PTPRD: variants seen among roughly 807,000 people sequenced by gnomAD.
PTPRD encodes receptor-type tyrosine-protein phosphatase delta.
PTPRD carries 34 observed loss-of-function variants against 214.5 expected under a neutral mutation model. The observed-to-expected ratio is 0.16, with a 90% confidence interval of 0.12 to 0.21. The LOEUF is 0.21. Among genes scored for constraint, PTPRD ranks in the 10% least tolerant of loss-of-function variants. The pLI is 1.00. For missense variants in PTPRD, 2,545 were observed against 2,398.7 expected (o/e 1.06, Z -1.27); for synonymous variants, 1,128 against 845.7 (o/e 1.33, Z -5.79).
At chr9:10,152,749 T>A (rs1292624773) in intron 3 of PTPRD, among the ~76,000 whole-genome samples, 2 of 152,116 alleles carry the variant, frequency 1.3e-5, no homozygotes, top group Admixed American at 6.6e-5. Flanking sequence ...AGCTTGAACC[T>A]GGAAGGCGGA....
intron 45 of PTPRD, among the ~76,000 whole-genome samples, chr9:8,318,726 C>T (rs1824186995): frequency 6.6e-6 from 1 of 151,660 alleles, no homozygotes; most frequent in East Asian, 1.9e-4. Flanking sequence ...GAGGCACACA[C>T]TAAAAAAAAG....
intron 5 of PTPRD, among the ~76,000 whole-genome samples, chr9:9,866,028 G>A (rs545122246): frequency 6.6e-6 from 1 of 152,202 alleles, no homozygotes; most frequent in East Asian, 1.9e-4. Context: ...TGCCATTCTC[G>A]TACACTTGCC....
At chr9:8,747,275 A>G (rs1022119756) in intron 11 of PTPRD, among the ~76,000 whole-genome samples, 1 of 152,226 alleles carries the variant, frequency 6.6e-6, no homozygotes, top group Non-Finnish European at 1.5e-5. Context: ...CTCAGGCACT[A>G]GAATTAGGAA....
At chr9:9,529,240 A>C (rs1569569027) in intron 8 of PTPRD, among the ~76,000 whole-genome samples, 2 of 151,314 alleles carry the variant, frequency 1.3e-5, no homozygotes, top group East Asian at 3.9e-4. Flanking sequence ...CGAATTTACC[A>C]GTTTCTTAGA....
In PTPRD at chr9:10,095,127, C is replaced by CA. The variant is rs894644751; in HGVS notation, c.-544-61338dup. On this transcript the variant is annotated intron_variant, in intron 3 of 45. Coordinates refer to ENST00000381196, the MANE Select transcript of PTPRD (RefSeq NM_002839.4). Reference sequence around the variant, plus strand: ...TGAGATATTTTGTCATTTTGCTGTTCAAAAAAAAATCCTGTATATATGAAG... The same window carrying CA: ...TGAGATATTTTGTCATTTTGCTGTTCAAAAAAAAAATCCTGTATATATGAAG... Among the ~76,000 whole-genome samples the CA allele has an allele frequency of 3.6e-3, 538 of 149,510 alleles. 2 individuals are homozygous for CA. The highest frequency in any genetic ancestry group is 0.011 in the African/African-American group (458 of 40,936).
rs146998303 is a variant in PTPRD, at chr9:8,903,064, C to T, written c.-104+115633G>A. ...ATGAAACATCAAATAGTGAAAATCT[C>T]ACCACGTTTAGGAATCCAAATCTGT... On this transcript the variant is annotated intron_variant, in intron 11 of 45. Coordinates refer to ENST00000381196, the MANE Select transcript of PTPRD (RefSeq NM_002839.4). 1.8e-4 allele frequency among the ~76,000 whole-genome samples: 27 copies of T among 151,996 alleles called. No individual in the cohort carries two copies. The East Asian group carries it at 5.0e-3, about 28-fold the overall frequency.
intron 44 of PTPRD, among the ~76,000 whole-genome samples, chr9:8,328,945 A>G (rs10815821): frequency 0.23 from 35,467 of 151,958 alleles, 4,488 homozygotes; most frequent in Middle Eastern, 0.41. Flanking sequence ...TTTTCCAGGT[A>G]CTTAGCTTCC....
chr9:9,382,840 T>C (rs1480502236), intron 9 of PTPRD, among the ~76,000 whole-genome samples: 3 of 152,096 alleles, frequency 2.0e-5, no homozygotes, highest in African/African-American at 7.2e-5. Context: ...ATTTCAGAGA[T>C]ATCTACCTCC....
intron 2 of PTPRD, among the ~76,000 whole-genome samples, chr9:10,486,727 G>T (rs79551995): frequency 0.012 from 1,840 of 152,190 alleles, 38 homozygotes; most frequent in African/African-American, 0.042. Context: ...CATAACATGT[G>T]GTCTATACTT....
Position 9,826,538 on chromosome 9 carries a change from C to T in PTPRD, c.-367-59687G>A, listed in dbSNP as rs542489083. 2.6e-5 allele frequency among the ~76,000 whole-genome samples: 4 copies of T among 151,968 alleles called. No individual in the cohort carries two copies. The East Asian group carries it at 7.8e-4, about 29-fold the overall frequency. Reference sequence around the variant, plus strand: ...AAAGTAATTTATCAAAAAATAGAGACTTTCAGTTCCTCAAATAGCCATTAT... The same window carrying T: ...AAAGTAATTTATCAAAAAATAGAGATTTTCAGTTCCTCAAATAGCCATTAT... On this transcript the variant is annotated intron_variant, in intron 5 of 45. Transcript: ENST00000381196.
At chr9:9,410,606 C>G (rs1172844844) in intron 8 of PTPRD, among the ~76,000 whole-genome samples, 1 of 152,070 alleles carries the variant, frequency 6.6e-6, no homozygotes, top group East Asian at 1.9e-4. Context: ...GGGCATGTGG[C>G]TTTTGCTGGT....
chr9:8,664,322 C>T (rs1489510643), intron 12 of PTPRD, among the ~76,000 whole-genome samples: 2 of 152,174 alleles, frequency 1.3e-5, no homozygotes, highest in African/African-American at 4.8e-5. Flanking sequence ...ATCATATTAA[C>T]CGTGACCATC....
At chr9:10,484,732 A>G (rs557454305) in intron 2 of PTPRD, among the ~76,000 whole-genome samples, 4 of 151,982 alleles carry the variant, frequency 2.6e-5, no homozygotes, top group African/African-American at 9.6e-5. Flanking sequence ...TTTTTCCTAT[A>G]TAGTTGTTTG....
At chr9:9,810,622 AG>A (rs2046853608) in intron 5 of PTPRD, among the ~76,000 whole-genome samples, 1 of 151,944 alleles carries the variant, frequency 6.6e-6, no homozygotes, top group Admixed American at 6.6e-5. Flanking sequence ...AAAAAAAAAA[AG>A]ATTTCGTTTA....
intron 35 of PTPRD, among the ~76,000 whole-genome samples, chr9:8,423,666 T>C (rs2094496176): frequency 6.6e-6 from 1 of 152,148 alleles, no homozygotes; most frequent in Non-Finnish European, 1.5e-5. Flanking sequence ...CTTGCCAGTA[T>C]AGGTCTCACT....
chr9:9,439,759 G>A lies in PTPRD; in HGVS notation c.-236-42277C>T, dbSNP rs974179550. ...CACTGTGAAGACGAAGAGCATTAAT[G>A]GTAATCATAGATACTGACACTTTAT... On this transcript the variant is annotated intron_variant, in intron 8 of 45. Transcript: ENST00000381196. Among the ~76,000 whole-genome samples the A allele has an allele frequency of 2.4e-4, 36 of 152,124 alleles. 1 individual carries two copies. Among genetic ancestry groups the A allele is most frequent in the Admixed American group, 1.9e-3 (29 of 15,276 alleles).
At chr9:8,611,857 T>C (rs1235008941) in intron 14 of PTPRD, among the ~76,000 whole-genome samples, 1 of 148,806 alleles carries the variant, frequency 6.7e-6, no homozygotes, top group Admixed American at 6.7e-5. Context: ...ATAGCATTCA[T>C]TATCACTTCC....
chr9:8,408,286 G>C (rs1298553056), intron 35 of PTPRD, among the ~76,000 whole-genome samples: 1 of 152,134 alleles, frequency 6.6e-6, no homozygotes, highest in Non-Finnish European at 1.5e-5. Flanking sequence ...AAAACAATTT[G>C]AAATAAGCAC....
At chr9:9,425,363 A>T (rs1390624465) in intron 8 of PTPRD, among the ~76,000 whole-genome samples, 1 of 49,514 alleles carries the variant, frequency 2.0e-5, no homozygotes, top group African/African-American at 7.5e-5. Context: ...GCATATATAT[A>T]AAATATATAT....
Sources: gnomAD v4.1 joint callset for allele counts (sites outside exome capture counted in the v4.1 genomes callset) on GRCh38, gnomAD v4.1.1 for gene constraint, MANE v1.5 for transcripts, NCBI Gene and HGNC (gene_info 2026-07-23, HGNC 2026-07-21) for gene names.